Variants in ARHGEF37 observed in about 807,000 individuals in gnomAD.
The protein encoded by ARHGEF37 is Rho guanine nucleotide exchange factor 37, also known as Rho guanine nucleotide exchange factor (GEF) 37.
In ARHGEF37, 55 loss-of-function variants were observed where a neutral mutation model predicts 71.1. The ratio of observed to expected loss-of-function variants is 0.77; its 90% confidence interval spans 0.62 to 0.97. The LOEUF (loss-of-function observed/expected upper bound fraction) is 0.97. ARHGEF37 is among the 50% of genes least tolerant of loss of function. The pLI is 0.00. For missense variants in ARHGEF37, 765 were observed against 836.8 expected (o/e 0.91, Z 1.06); for synonymous variants, 327 against 350.6 (o/e 0.93, Z 0.75).
intron 4 of ARHGEF37, among the ~76,000 whole-genome samples, chr5:149,611,863 A>G (rs1411597142): frequency 1.3e-5 from 2 of 152,256 alleles, no homozygotes; most frequent in Non-Finnish European, 2.9e-5. Flanking sequence ...ATATATGTAT[A>G]AATAAATATA....
At position 149,634,221 on chromosome 5, in the gene ARHGEF37, A is replaced by C. The variant is rs1006828528; in HGVS notation, c.*2030A>C. 1 of 152,228 alleles carries C rather than the reference A, an allele frequency of 6.6e-6. No homozygotes were observed. The highest frequency in any genetic ancestry group is 1.5e-5 in the Non-Finnish European group (1 of 68,058). 9.4% of individuals were successfully genotyped at this position (152,228 alleles called of 1,614,324 possible). A position where few individuals can be genotyped will look rare whatever the true frequency, so the allele number is the denominator to read the frequency against. On this transcript the variant is annotated 3_prime_UTR_variant, in exon 13 of 13. Coordinates refer to ENST00000333677, the MANE Select transcript of ARHGEF37 (RefSeq NM_001001669.3). ...GTGCTTCCAATGTGCAGCCAGGGTT[A>C]GGGACCTCTACCCTAGACACAAAGT...
In ARHGEF37 at chr5:149,632,158, C is replaced by T; in HGVS notation, c.1995C>T (p.Ser665=). 6.2e-7 allele frequency: 1 copy of T among 1,614,196 alleles called. No homozygotes were observed. The highest frequency in any genetic ancestry group is 8.5e-7 in the Non-Finnish European group (1 of 1,180,042). ...VPSGFLARAR[S]PVLWGWSLPS is the part of the protein sequence containing the mutation. ...CTGGCTTCTTGGCCAGGGCTCGGAG[C>T]CCAGTTCTGTGGGGCTGGAGTCTGC... is the stretch of plus-strand genomic sequence containing the variant. The change falls in exon 13 of 13, where the codon AGC becomes AGT. Residue 665 remains serine, a synonymous_variant. Transcript: ENST00000333677.
intron 4 of ARHGEF37, among the ~76,000 whole-genome samples, chr5:149,611,548 C>A (rs1371485538): frequency 6.6e-6 from 1 of 152,242 alleles, no homozygotes; most frequent in Admixed American, 6.5e-5. Context: ...GGGCTTTGCT[C>A]ATGGGCTCTG....
chr5:149,583,796 C>CT (rs965642287), intron 1 of ARHGEF37, among the ~76,000 whole-genome samples: 22 of 152,322 alleles, frequency 1.4e-4, no homozygotes, highest in African/African-American at 5.3e-4. Context: ...AGGGTCTCCT[C>CT]TGTCACCCAG....
chr5:149,629,111 C>A, intron 12 of ARHGEF37, 145 bp downstream of exon 12: 2 of 1,090,824 alleles, frequency 1.8e-6, no homozygotes, highest in Non-Finnish European at 2.5e-6. Context: ...AATGGCCATG[C>A]CAGTGTCCCA....
At chr5:149,631,093 T>C (rs1186898063) in intron 12 of ARHGEF37, among the ~76,000 whole-genome samples, 2 of 152,024 alleles carry the variant, frequency 1.3e-5, no homozygotes, top group Admixed American at 6.5e-5. Flanking sequence ...TCCTTGCCAA[T>C]TGTTTTCTCT....
At chr5:149,601,462 T>C (rs1251094773) in intron 3 of ARHGEF37, among the ~76,000 whole-genome samples, 2 of 152,206 alleles carry the variant, frequency 1.3e-5, no homozygotes, top group African/African-American at 4.8e-5. Flanking sequence ...AGGAACATGC[T>C]TACAGTCACG....
rs374909632 is a variant in ARHGEF37 at position 149,552,557 on chromosome 5, G to A, written c.-12+434G>A. ...AAATTTAATTAAAATAGAAATGGGG[G>A]GCGGGCGCAGTGGCTCACGCCTGTA... On this transcript the variant is annotated intron_variant, in intron 1 of 2. Transcript: ENST00000505810. 7.9e-5 allele frequency among the ~76,000 whole-genome samples: 12 copies of A among 152,290 alleles called. No individual in the cohort carries two copies. The East Asian group carries it at 1.9e-3, about 24-fold the overall frequency.
At chr5:149,613,625 G>A (rs1459215616) in intron 4 of ARHGEF37, among the ~76,000 whole-genome samples, 9 of 152,168 alleles carry the variant, frequency 5.9e-5, no homozygotes, top group African/African-American at 2.2e-4. Context: ...GATTACAGGC[G>A]TGAGCCACGG....
At chr5:149,576,948 ACT>A (rs1561785667), upstream of ARHGEF37, among the ~76,000 whole-genome samples, 6 of 151,588 alleles carry the variant, frequency 4.0e-5, no homozygotes, top group Non-Finnish European at 5.9e-5. Flanking sequence ...AGAGTGAGAG[ACT>A]CTGTCTGAAA....
At chr5:149,560,415 ATAT>A (rs1762814761) in intron 1 of ARHGEF37, among the ~76,000 whole-genome samples, 2 of 152,060 alleles carry the variant, frequency 1.3e-5, no homozygotes. Context: ...CACCTGGCCT[ATAT>A]TATTCTTAAA....
intron 1 of ARHGEF37, among the ~76,000 whole-genome samples, chr5:149,584,556 G>T (rs958535459): frequency 3.3e-5 from 5 of 151,738 alleles, no homozygotes; most frequent in Admixed American, 2.6e-4. Context: ...TAAAATATTG[G>T]GATGTTTTTT....
At position 149,618,032 on chromosome 5, in the gene ARHGEF37, T is replaced by C; in HGVS notation, c.659-144T>C. 2.5e-6 allele frequency: 3 copies of C among 1,209,360 alleles called. No homozygotes were observed. In the South Asian group the frequency reaches 4.3e-5, roughly 17 times the overall value. The allele number at this position is 1,209,360 out of a possible 1,614,324, so 74.9% of individuals were successfully genotyped here. On this transcript the variant is annotated intron_variant, in intron 5 of 12. Transcript: ENST00000333677. ...ACACCTCAGACAGAGGACCCTATGCTTTTCCTGTGTGACTCACTAACCTCA... is the reference window on the plus strand; with the variant it reads ...ACACCTCAGACAGAGGACCCTATGCCTTTCCTGTGTGACTCACTAACCTCA...
Position 149,627,225 on chromosome 5 carries a change from C to G in ARHGEF37, c.1614C>G (p.Asn538Lys), listed in dbSNP as rs1752716483. The G allele has an allele frequency of 6.2e-7, 1 of 1,614,064 alleles. No homozygotes were observed. The highest frequency in any genetic ancestry group is 8.5e-7 in the Non-Finnish European group (1 of 1,180,036). Reference protein sequence around the residue: ...PRGQIVAILQNKDTKGNSGRW... With the variant: ...PRGQIVAILQKKDTKGNSGRW... ...GCCAAATCGTGGCCATCCTTCAAAA[C>G]AAGGACACCAAAGGCAACAGCGGCC... Residue 538 changes from asparagine (N) to lysine (K), a missense_variant, in exon 11 of 13, where the codon AAC (asparagine) becomes AAG (lysine). Coordinates refer to ENST00000333677, the MANE Select transcript of ARHGEF37 (RefSeq NM_001001669.3).
intron 1 of ARHGEF37, among the ~76,000 whole-genome samples, chr5:149,565,863 T>TTG (rs1561783036): frequency 4.3e-4 from 59 of 137,334 alleles, no homozygotes; most frequent in Non-Finnish European, 8.3e-4. Context: ...TTTTTTTTTT[T>TTG]TGTGAGACAG....
chr5:149,625,438 G>A (rs1752657291), intron 10 of ARHGEF37, among the ~76,000 whole-genome samples: 1 of 152,122 alleles, frequency 6.6e-6, no homozygotes, highest in Non-Finnish European at 1.5e-5. Flanking sequence ...TTCCCCAGAG[G>A]GAGAATGGGG....
chr5:149,558,165 C>T (rs910937169), intron 1 of ARHGEF37, among the ~76,000 whole-genome samples: 5 of 152,178 alleles, frequency 3.3e-5, no homozygotes, highest in African/African-American at 1.2e-4. Flanking sequence ...AGCCACTGTG[C>T]TCGGCCCTTT....
rs1264145632 is a variant in ARHGEF37 at position 149,597,805 on chromosome 5, G to C, written c.36G>C (p.Arg12Ser). The change falls in exon 2 of 13, where the codon AGG (arginine) becomes AGC (serine). Residue 12 changes from arginine to serine, a missense_variant. By Grantham distance (110) the Arg-to-Ser change is moderately radical. This residue lies in a region of ARHGEF37 where 201 missense variants were observed against 217.5 expected (regional missense o/e 0.92). Coordinates refer to ENST00000333677, the MANE Select transcript of ARHGEF37 (RefSeq NM_001001669.3). ...ATGGAGCCGACGAGCCATCCTCCAG[G>C]TCAGGGAGTCCGGACAGGGAAGGTA... ...AKHGADEPSS[R>S]SGSPDREGRA... 3 of 1,585,644 alleles carry C rather than the reference G, an allele frequency of 1.9e-6. No homozygotes were observed. The highest frequency in any genetic ancestry group is 2.6e-6 in the Non-Finnish European group (3 of 1,167,790).
In ARHGEF37 at chr5:149,632,937, G is replaced by A. The variant is rs890816262; in HGVS notation, c.*746G>A. The A allele has an allele frequency of 1.3e-5, 2 of 152,922 alleles. No individual in the cohort carries two copies. Among genetic ancestry groups the A allele is most frequent in the Non-Finnish European group, 2.9e-5 (2 of 68,190 alleles). The allele number at this position is 152,922 out of a possible 1,614,324, so 9.5% of individuals were successfully genotyped here. ...TGGCAGCAGGTGAACAGCTACTGCT[G>A]TGTTCTCAGGACTAGGGAACAAAGG... On this transcript the variant is annotated 3_prime_UTR_variant, in exon 13 of 13. Coordinates refer to ENST00000333677, the MANE Select transcript of ARHGEF37 (RefSeq NM_001001669.3).
Sources: gnomAD v4.1 joint callset for allele counts (sites outside exome capture counted in the v4.1 genomes callset) on GRCh38, gnomAD v4.1.1 for gene constraint, gnomAD v4.1.1 regional missense constraint, MANE v1.5 for transcripts, NCBI Gene and HGNC (gene_info 2026-07-23, HGNC 2026-07-21) for gene names.